The following TEX22 variants were observed in gnomAD, a reference collection of about 807,000 sequenced individuals.
TEX22 encodes the protein testis expressed 22, also known as testis-expressed protein 22.
A neutral mutation model predicts 11.3 loss-of-function variants in TEX22; 16 were observed. That is an observed-to-expected ratio of 1.42 (90% confidence interval 0.96 to 2.15). TEX22 has a LOEUF of 2.15. Among genes scored for constraint, TEX22 ranks in the 30% most tolerant of loss-of-function variants. The pLI is 0.00. For synonymous variants in TEX22, 97 were observed against 92.3 expected (o/e 1.05, Z -0.29); for missense variants, 220 against 208.6 (o/e 1.05, Z -0.34).
intron 2 of TEX22, among the ~76,000 whole-genome samples, chr14:105,400,914 C>T (rs2081623248): frequency 6.6e-6 from 1 of 152,196 alleles, no homozygotes; most frequent in African/African-American, 2.4e-5. Flanking sequence ...ATTGATGAAG[C>T]TTCACCTGCC....
chr14:105,407,048 C>G (rs1347222526), intron 2 of TEX22, among the ~76,000 whole-genome samples: 2 of 149,694 alleles, frequency 1.3e-5, no homozygotes, highest in Non-Finnish European at 3.0e-5. Flanking sequence ...TTCTCAGCCA[C>G]CATGTCTGGC....
At chr14:105,403,881 C>CA (rs2081645431) in intron 2 of TEX22, among the ~76,000 whole-genome samples, 1 of 152,212 alleles carries the variant, frequency 6.6e-6, no homozygotes, top group Admixed American at 6.5e-5. Flanking sequence ...GACAGGGTCT[C>CA]ACTATGTTAC....
chr14:105,410,279 G>A (rs1286009342), intron 2 of TEX22, among the ~76,000 whole-genome samples: 1 of 152,098 alleles, frequency 6.6e-6, no homozygotes, highest in Non-Finnish European at 1.5e-5. Flanking sequence ...GTTTTTCCAC[G>A]TTGGTCAGGC....
Position 105,408,533 on chromosome 14 carries a change from C to T in TEX22, c.151-2835C>T, listed in dbSNP as rs587730474. On this transcript the variant is annotated intron_variant, in intron 2 of 3. Transcript: ENST00000451127. ...CTGCCTCCTGGGTTCAAGCAATTCT[C>T]CTGCCTTAGCTTCCCAAGTAGTTGG... Among the ~76,000 whole-genome samples the T allele has an allele frequency of 1.3e-4, 20 of 152,304 alleles. 1 individual carries two copies. In the East Asian group the frequency reaches 3.3e-3, roughly 25 times the overall value.
intron 2 of TEX22, among the ~76,000 whole-genome samples, chr14:105,405,667 G>C (rs1463533755): frequency 6.6e-6 from 1 of 152,246 alleles, no homozygotes; most frequent in Non-Finnish European, 1.5e-5. Flanking sequence ...GCAGCCGTGA[G>C]CGTGAGTCTC....
rs1297834913 is a variant in TEX22, at chr14:105,399,378, T to C, written c.38T>C (p.Leu13Pro). 5 of 1,535,388 alleles carry C rather than the reference T, an allele frequency of 3.3e-6. No homozygotes were observed. In the Admixed American group the frequency reaches 7.8e-5, roughly 24 times the overall value. The stretch of plus-strand genomic sequence containing the variant: ...AAACTGTCCCCCCGGGGGAAGAAGC[T>C]GGAGTCGCACCTCTCCCAAGAGCAC... ...SRKLSPRGKK[L>P]ESHLSQEHRR... Residue 13 changes from leucine to proline, a missense_variant, in exon 2 of 4, where the codon CTG becomes CCG. Coordinates refer to ENST00000451127, the MANE Select transcript of TEX22 (RefSeq NM_001195082.2).
intron 2 of TEX22, among the ~76,000 whole-genome samples, chr14:105,407,777 T>C (rs1157599997): frequency 3.3e-5 from 5 of 152,186 alleles, no homozygotes; most frequent in Admixed American, 6.5e-5. Flanking sequence ...AGTGTTTTGT[T>C]ATCCTTTTGC....
chr14:105,410,329 G>A (rs1176056818), intron 2 of TEX22, among the ~76,000 whole-genome samples: 3 of 152,076 alleles, frequency 2.0e-5, no homozygotes, highest in Admixed American at 6.6e-5. Flanking sequence ...TACTCGCCTC[G>A]GCCTCCCAAA....
In TEX22 at chr14:105,400,663, G is replaced by A. The variant is rs144976279; in HGVS notation, c.150+1173G>A. Among the ~76,000 whole-genome samples, 109 of 152,298 alleles carry A rather than the reference G, an allele frequency of 7.2e-4. 2 individuals carry two copies. The East Asian group carries it at 0.015, about 21-fold the overall frequency. ...TATTTGTAGTTCCAAGAGATGGACTGGTGGCTATGGGTAATGGTGGTTGAG... is the reference window on the plus strand; with the variant it reads ...TATTTGTAGTTCCAAGAGATGGACTAGTGGCTATGGGTAATGGTGGTTGAG... On this transcript the variant is annotated intron_variant, in intron 2 of 3. Coordinates refer to ENST00000451127, the MANE Select transcript of TEX22 (RefSeq NM_001195082.2).
chr14:105,407,285 C>T (rs587679158), intron 2 of TEX22, among the ~76,000 whole-genome samples: 9 of 152,048 alleles, frequency 5.9e-5, no homozygotes, highest in African/African-American at 1.9e-4. Flanking sequence ...TCAGGCTGGT[C>T]TCGAACTCCT....
chr14:105,402,735 GA>G (rs1455948557), intron 2 of TEX22, among the ~76,000 whole-genome samples: 9 of 143,028 alleles, frequency 6.3e-5, no homozygotes, highest in Non-Finnish European at 1.2e-4. Flanking sequence ...CAGCCTGGGC[GA>G]CAGAGCGAGA....
intron 2 of TEX22, among the ~76,000 whole-genome samples, chr14:105,402,488 C>G (rs996412219): frequency 6.6e-5 from 10 of 152,086 alleles, no homozygotes; most frequent in Non-Finnish European, 1.2e-4. Context: ...GGTGTGGTGG[C>G]TCACGCCTGT....
At chr14:105,407,674 T>C (rs1031166906) in intron 2 of TEX22, among the ~76,000 whole-genome samples, 28 of 152,194 alleles carry the variant, frequency 1.8e-4, no homozygotes, top group Admixed American at 7.9e-4. Flanking sequence ...TCTGCCATTG[T>C]TTCTTTCTAA....
At chr14:105,408,613 AG>A (rs1304700650) in intron 2 of TEX22, among the ~76,000 whole-genome samples, 1 of 152,022 alleles carries the variant, frequency 6.6e-6, no homozygotes, top group African/African-American at 2.4e-5. Context: ...TAGTAGAAAC[AG>A]GGTTTCGCCA....
At chr14:105,402,616 C>G (rs377282048) in intron 2 of TEX22, among the ~76,000 whole-genome samples, 1 of 151,754 alleles carries the variant, frequency 6.6e-6, no homozygotes, top group African/African-American at 2.4e-5. Flanking sequence ...ATTAGCCGGG[C>G]GTGGTGGCGG....
At chr14:105,402,722 C>G (rs587748538) in intron 2 of TEX22, among the ~76,000 whole-genome samples, 26 of 149,272 alleles carry the variant, frequency 1.7e-4, no homozygotes, top group Admixed American at 4.0e-4. Context: ...CGCTACTGCA[C>G]TCCAGCCTGG....
intron 2 of TEX22, among the ~76,000 whole-genome samples, chr14:105,408,773 C>T (rs1264993824): frequency 2.6e-5 from 4 of 152,132 alleles, no homozygotes; most frequent in Non-Finnish European, 5.9e-5. Flanking sequence ...CATGCCCCAC[C>T]GCAGAGACGA....
At chr14:105,402,690 A>G (rs2081637695) in intron 2 of TEX22, among the ~76,000 whole-genome samples, 1 of 148,558 alleles carries the variant, frequency 6.7e-6, no homozygotes, top group Non-Finnish European at 1.5e-5. Context: ...CGGGAGGCGG[A>G]GCTTGCAGTG....
intron 2 of TEX22, among the ~76,000 whole-genome samples, chr14:105,410,586 C>A (rs1555419234): frequency 6.6e-6 from 1 of 152,152 alleles, no homozygotes; most frequent in African/African-American, 2.4e-5. Flanking sequence ...TTGCTGGATC[C>A]CATGCAATTC....
Sources: gnomAD v4.1 joint callset for allele counts (sites outside exome capture counted in the v4.1 genomes callset) on GRCh38, gnomAD v4.1.1 for gene constraint, MANE v1.5 for transcripts, NCBI Gene and HGNC (gene_info 2026-07-23, HGNC 2026-07-21) for gene names.